BRWD1: variants seen among roughly 807,000 people sequenced by gnomAD.
The protein encoded by BRWD1 is bromodomain and WD repeat domain containing 1.
Under a neutral mutation model 251.2 loss-of-function variants are expected in BRWD1, and 82 were observed. The observed-to-expected ratio is 0.33, with a 90% CI of 0.27 to 0.39. The LOEUF (loss-of-function observed/expected upper bound fraction) is 0.39. Ranked by LOEUF, BRWD1 falls within the 10% of genes least tolerant of loss-of-function variation. The pLI, the probability that BRWD1 is intolerant of heterozygous loss-of-function variation, is 1.00. For synonymous variants in BRWD1, 918 were observed against 902.8 expected (o/e 1.02, Z -0.30); for missense variants, 2,233 against 2,711.6 (o/e 0.82, Z 3.92).
Position 39,195,956 on chromosome 21 carries a change from G to T in BRWD1, c.*303C>A, listed in dbSNP as rs1384175986. ...GCTGCCATGAAAGTAATGCTCATTG[G>T]TTTTGATAACCAGGATGTCTAGTGT... On this transcript the variant is annotated 3_prime_UTR_variant, in exon 41 of 41. Coordinates refer to ENST00000342449, the MANE Select transcript of BRWD1 (RefSeq NM_033656.4). The T allele has an allele frequency of 8.6e-6, 9 of 1,050,022 alleles. No individual in the cohort carries two copies. Among genetic ancestry groups the T allele is most frequent in the Non-Finnish European group, 1.0e-5 (9 of 873,066 alleles). 65.0% of individuals were successfully genotyped at this position (1,050,022 alleles called of 1,614,324 possible).
chr21:39,213,434 C>T, intron 33 of BRWD1, 47 bp downstream of exon 33: 1 of 1,467,900 alleles, frequency 6.8e-7, no homozygotes, highest in Non-Finnish European at 9.5e-7. Flanking sequence ...TTTAAAAATA[C>T]CATTTGAAAT....
At chr21:39,222,887 T>A (rs2033233290) in intron 29 of BRWD1, among the ~76,000 whole-genome samples, 1 of 152,172 alleles carries the variant, frequency 6.6e-6, no homozygotes, top group Admixed American at 6.5e-5. Flanking sequence ...TAAATCAAAT[T>A]ATTAAAATCC....
intron 28 of BRWD1, among the ~76,000 whole-genome samples, 181 bp downstream of exon 28, chr21:39,224,905 G>T (rs1289706728): frequency 2.0e-5 from 3 of 152,174 alleles, no homozygotes; most frequent in Admixed American, 6.5e-5. Flanking sequence ...GAACCAAGGG[G>T]AGTACTGGTG....
rs2146425237 is a variant in BRWD1 at position 39,185,572 on chromosome 21, C to T, written c.*10687G>A. 1 of 151,978 alleles carries T rather than the reference C, an allele frequency of 6.6e-6. No individual in the cohort carries two copies. Among genetic ancestry groups the T allele is most frequent in the South Asian group, 2.1e-4 (1 of 4,816 alleles). The allele number at this position is 151,978 out of a possible 1,614,324, so 9.4% of individuals were successfully genotyped here. On this transcript the variant is annotated 3_prime_UTR_variant, in exon 41 of 41. Coordinates refer to ENST00000342449, the MANE Select transcript of BRWD1 (RefSeq NM_033656.4). ...CAGTAATTTAGATGAAAGTATACTA[C>T]AAAAGGAGCAAAGGACACAGACTTA...
chr21:39,200,336 T>A lies in BRWD1; in HGVS notation c.4636A>T (p.Ser1546Cys). The A allele has an allele frequency of 1.9e-6, 3 of 1,614,142 alleles. No individual in the cohort carries two copies. The highest frequency in any genetic ancestry group is 2.5e-6 in the Non-Finnish European group (3 of 1,179,994). The part of the protein sequence containing the change: ...LATSLSSSAS[S>C]SSEESKESSR... ...CTCTCTTTGCTTTCCTCAGAACTAC[T>A]GGAAGCTGACGATGACAAAGAGGTA... The change falls in exon 39 of 41, where the codon AGT (serine) becomes TGT (cysteine). Residue 1546 changes from serine to cysteine, a missense_variant. Physicochemically the swap from Ser to Cys is moderately radical, Grantham distance 112. Transcript: ENST00000342449.
chr21:39,217,081 A>AT (rs2032974483), intron 31 of BRWD1: 7 of 11,488 alleles, frequency 6.1e-4, no homozygotes, highest in Admixed American at 1.3e-3. Context: ...ATATATATAT[A>AT]TATTTTTTTT....
upstream of BRWD1, among the ~76,000 whole-genome samples, chr21:39,316,863 G>GC (rs200021614): frequency 1.3e-3 from 203 of 152,146 alleles, 2 homozygotes; most frequent in African/African-American, 4.5e-3. Context: ...GCTAGAGCCG[G>GC]GGGGGATTGA....
In BRWD1 at chr21:39,258,714, A is replaced by G. The variant is rs2034641797; in HGVS notation, c.1886-42T>C. The stretch of plus-strand genomic sequence containing the variant: ...TTAATATATAATCATATAAAAGCAG[A>G]AAACAAAAAAAAATTTCGTTAGGGT... On this transcript the variant is annotated intron_variant, in intron 17 of 40. Coordinates refer to ENST00000342449, the MANE Select transcript of BRWD1 (RefSeq NM_033656.4). 3 of 1,365,566 alleles carry G rather than the reference A, an allele frequency of 2.2e-6. No individual in the cohort carries two copies. In the Admixed American group the frequency reaches 8.1e-5, roughly 37 times the overall value. The allele number at this position is 1,365,566 out of a possible 1,614,324, so 84.6% of individuals were successfully genotyped here.
intron 8 of BRWD1, 135 bp downstream of exon 8, chr21:39,293,676 G>A (rs551689941): frequency 1.5e-6 from 1 of 683,148 alleles, no homozygotes; most frequent in African/African-American, 1.8e-5. Context: ...TGTATGATTT[G>A]TATGAATGAT....
chr21:39,278,701 T>TAAAA, intron 10 of BRWD1, 42 bp downstream of exon 10: 4 of 1,093,976 alleles, frequency 3.7e-6, no homozygotes, highest in South Asian at 3.6e-5. Flanking sequence ...AATAGATGTT[T>TAAAA]AAAAAAAAAA....
chr21:39,313,366 C>A, intron 1 of BRWD1, 67 bp from the exon 2 acceptor site: 1 of 1,466,230 alleles, frequency 6.8e-7, no homozygotes. Context: ...CCAGGGGAGC[C>A]GGGGGAGCCC....
intron 4 of BRWD1, among the ~76,000 whole-genome samples, chr21:39,309,776 G>A (rs1468953190): frequency 1.4e-5 from 2 of 139,262 alleles, no homozygotes; most frequent in African/African-American, 2.7e-5. Flanking sequence ...AGTGAGCCGA[G>A]ATCGCACCGC....
At chr21:39,228,123 A>G (rs958992247) in intron 27 of BRWD1, among the ~76,000 whole-genome samples, 1 of 152,126 alleles carries the variant, frequency 6.6e-6, no homozygotes, top group Non-Finnish European at 1.5e-5. Context: ...CTCTGTCTCT[A>G]CTAAAAATAC....
rs200242315 is a variant in BRWD1, at chr21:39,198,756, G to T, written c.5653+7C>A. 2.6e-6 allele frequency: 4 copies of T among 1,563,146 alleles called. No homozygotes were observed. In the South Asian group the frequency reaches 4.8e-5, roughly 19 times the overall value. On this transcript the variant is annotated splice_region_variant and intron_variant, in intron 40 of 40. Coordinates refer to ENST00000342449, the MANE Select transcript of BRWD1 (RefSeq NM_033656.4). Reference sequence around the variant, plus strand: ...ATCAGTGAACAAAGATAAATGTTTTGAATTACCTTTCATAAAATTGTTTGG... The same window carrying T: ...ATCAGTGAACAAAGATAAATGTTTTTAATTACCTTTCATAAAATTGTTTGG...
At chr21:39,314,045 T>A (rs754865150), upstream of BRWD1, 17 of 455,586 alleles carry the variant, frequency 3.7e-5, no homozygotes, top group Middle Eastern at 3.2e-4. Context: ...AGTCGCGGGT[T>A]GGGCAAGGTC....
At position 39,298,587 on chromosome 21, in the gene BRWD1, T is replaced by A. The variant is rs1394012837; in HGVS notation, c.199-5A>T. ...CACATGCTTATTGGACAAGACCTAGTTGGAGAGCAAGTTTTAATGACAACA... is the reference window on the plus strand; with the variant it reads ...CACATGCTTATTGGACAAGACCTAGATGGAGAGCAAGTTTTAATGACAACA... On this transcript the variant is annotated splice_region_variant and splice_polypyrimidine_tract_variant and intron_variant, in intron 4 of 40. Coordinates refer to ENST00000342449, the MANE Select transcript of BRWD1 (RefSeq NM_033656.4). The A allele has an allele frequency of 6.3e-7, 1 of 1,576,692 alleles. No homozygotes were observed. Among genetic ancestry groups the A allele is most frequent in the East Asian group, 2.3e-5 (1 of 43,256 alleles).
At chr21:39,212,626 A>C in intron 34 of BRWD1, 40 bp downstream of exon 34, 1 of 1,467,434 alleles carries the variant, frequency 6.8e-7, no homozygotes. Context: ...TAAAACAAAG[A>C]AAAAGAAACT....
intron 29 of BRWD1, 36 bp downstream of exon 29, chr21:39,224,366 TATAAAA>T (rs1487214669): frequency 8.1e-7 from 1 of 1,239,222 alleles, no homozygotes; most frequent in Non-Finnish European, 1.1e-6. Flanking sequence ...ATGTACATAT[TATAAAA>T]ATAAAATGTT....
intron 25 of BRWD1, 66 bp from the exon 26 acceptor site, chr21:39,229,502 T>C (rs1387669892): frequency 5.6e-6 from 8 of 1,417,006 alleles, no homozygotes; most frequent in Non-Finnish European, 7.8e-6. Flanking sequence ...ATTCTCCACA[T>C]ACTGTTATAT....
Sources: allele counts gnomAD v4.1 joint callset (sites outside exome capture counted in the v4.1 genomes callset), GRCh38; gene constraint gnomAD v4.1.1; transcripts MANE v1.5; gene names NCBI Gene and HGNC (gene_info 2026-07-23, HGNC 2026-07-21).